Variants in PTPRH observed in about 807,000 individuals in gnomAD.
PTPRH encodes the protein protein tyrosine phosphatase receptor type H.
Under a neutral mutation model 130.2 loss-of-function variants are expected in PTPRH, and 113 were observed. The ratio of observed to expected loss-of-function variants is 0.87; its 90% confidence interval spans 0.75 to 1.01. The LOEUF (loss-of-function observed/expected upper bound fraction) is 1.01, where lower values mean the gene tolerates loss of function less well. Ranked by LOEUF, PTPRH falls within the 50% of genes least tolerant of loss-of-function variation. PTPRH has a pLI of 0.00. For synonymous variants in PTPRH, 556 were observed against 577.9 expected, an observed-to-expected ratio of 0.96 and a Z score of 0.54; for missense variants, 1,430 against 1,425.0, an observed-to-expected ratio of 1.00 and a Z score of -0.06.
At chr19:55,181,981 G>A (rs2086188006) in intron 19 of PTPRH, 35 bp downstream of exon 19, 4 of 1,613,516 alleles carry the variant, frequency 2.5e-6, no homozygotes, top group African/African-American at 1.3e-5. Context: ...TCGTCCCACT[G>A]CCTCCCGTCC....
At chr19:55,186,944 C>T (rs1404150620) in intron 14 of PTPRH, among the ~76,000 whole-genome samples, 1 of 151,580 alleles carries the variant, frequency 6.6e-6, no homozygotes, top group African/African-American at 2.4e-5. Flanking sequence ...ACTAGGGAGG[C>T]TGAGGCGGGA....
intron 8 of PTPRH, among the ~76,000 whole-genome samples, chr19:55,197,868 A>G (rs143181820): frequency 8.2e-4 from 125 of 152,262 alleles, no homozygotes; most frequent in African/African-American, 2.9e-3. Context: ...ACGTTTGTAG[A>G]GGGAGCTGAT....
chr19:55,203,807 A>T lies in PTPRH; in HGVS notation c.861T>A (p.Ser287=). ...CTGTGGCACTAGTGACAATCTCCACAGAGCTATTTACTCCGTCTTTCTCCA... is the reference window on the plus strand; with the variant it reads ...CTGTGGCACTAGTGACAATCTCCACTGAGCTATTTACTCCGTCTTTCTCCA... ...VWVEKDGVNS[S]VEIVTSATAP... is the part of the protein sequence containing the mutation. The change falls in exon 5 of 20, where the codon TCT becomes TCA. Residue 287 remains serine (S), a synonymous_variant. Transcript: ENST00000376350. The T allele has an allele frequency of 6.2e-7, 1 of 1,610,826 alleles. No homozygotes were observed. The highest frequency in any genetic ancestry group is 1.3e-5 in the African/African-American group (1 of 74,992).
At chr19:55,194,415 A>C (rs2086628117) in intron 10 of PTPRH, 1 of 1,058,602 alleles carries the variant, frequency 9.4e-7, no homozygotes, top group Non-Finnish European at 1.2e-6. Flanking sequence ...CTGTTCTCTC[A>C]GGGATCCTTG....
At position 55,198,845 on chromosome 19, in the gene PTPRH, T is replaced by G; in HGVS notation, c.1488A>C (p.Thr496=). ...AAGACTGGCCTGGGCCCTGGGGAGC[T>G]GTCCAGCGCAAAGCAATGGTGCTGT... is the stretch of plus-strand genomic sequence containing the variant. ...WTNSTIALRW[T]APQGPGQSSY... Residue 496 remains threonine, a synonymous_variant, in exon 8 of 20, where the codon ACA becomes ACC. Coordinates refer to ENST00000376350, the MANE Select transcript of PTPRH (RefSeq NM_002842.5). 2 of 1,588,362 alleles carry G rather than the reference T, an allele frequency of 1.3e-6. No individual in the cohort carries two copies. Among genetic ancestry groups the G allele is most frequent in the Non-Finnish European group, 1.7e-6 (2 of 1,165,392 alleles).
Position 55,205,489 on chromosome 19 carries a change from G to A in PTPRH, c.456C>T (p.Tyr152=), listed in dbSNP as rs148979033. The change falls in exon 4 of 20, where the codon TAC becomes TAT. Residue 152 remains tyrosine (Y), a synonymous_variant. Transcript: ENST00000376350. ...CACCATCTCCAGTGTACTCAACCCCGTAGGTGGAGTTCTGTGGGTCTGGGC... is the reference window on the plus strand; with the variant it reads ...CACCATCTCCAGTGTACTCAACCCCATAGGTGGAGTTCTGTGGGTCTGGGC... ...PDGPDPQNST[Y]GVEYTGDGGR... The A allele has an allele frequency of 2.6e-5, 42 of 1,614,194 alleles. No individual in the cohort carries two copies. Among genetic ancestry groups the A allele is most frequent in the African/African-American group, 1.2e-4 (9 of 75,034 alleles).
Position 55,197,230 on chromosome 19 carries a change from T to G in PTPRH, c.1877A>C (p.Asn626Thr), listed in dbSNP as rs1356660651. ...GGCCTCCACTTTGTACCACGTCTCA[T>G]TGGTCCTGCTGGTCTGGTTGACCCA... is the stretch of plus-strand genomic sequence containing the variant. ...ANWVNQTSRTNETWYKVEALE... is the reference protein window; with the variant it reads ...ANWVNQTSRTTETWYKVEALE... The change falls in exon 9 of 20, where the codon AAT (asparagine) becomes ACT (threonine). Residue 626 changes from asparagine (N) to threonine (T), a missense_variant. Transcript: ENST00000376350. 2.5e-6 allele frequency: 4 copies of G among 1,614,254 alleles called. No homozygotes were observed. The highest frequency in any genetic ancestry group is 3.4e-6 in the Non-Finnish European group (4 of 1,180,048).
chr19:55,200,361 G>A lies in PTPRH; in HGVS notation c.1295C>T (p.Thr432Ile). ...EYTGDGGGTETRNTTNTSVTA... is the reference protein window; with the variant it reads ...EYTGDGGGTEIRNTTNTSVTA... ...CACACTGGTATTTGTTGTGTTTCGG[G>A]TCTCTGTGCCACCACCGTCTCCAGT... The change falls in exon 7 of 20, where the codon ACC becomes ATC. Residue 432 changes from threonine (T) to isoleucine (I), a missense_variant. Transcript: ENST00000376350. 6.2e-7 allele frequency: 1 copy of A among 1,614,124 alleles called. No individual in the cohort carries two copies. Among genetic ancestry groups the A allele is most frequent in the Non-Finnish European group, 8.5e-7 (1 of 1,180,026 alleles).
chr19:55,209,312 C>T lies in PTPRH; in HGVS notation c.51+71G>A. 7.5e-7 allele frequency: 1 copy of T among 1,329,076 alleles called. No individual in the cohort carries two copies. The highest frequency in any genetic ancestry group is 1.1e-6 in the Non-Finnish European group (1 of 943,662). The allele number at this position is 1,329,076 out of a possible 1,614,324, so 82.3% of individuals were successfully genotyped here. ...TACTTCCTCAAGATCGAGGTGCAGGCACCCAGCTCCTTCTCCCTCAGACCT... is the reference window on the plus strand; with the variant it reads ...TACTTCCTCAAGATCGAGGTGCAGGTACCCAGCTCCTTCTCCCTCAGACCT... On this transcript the variant is annotated intron_variant, in intron 1 of 19. Transcript: ENST00000376350. The surrounding 1 kb of genome is among the most constrained non-coding windows in gnomAD (Gnocchi z 4.1).
At position 55,204,130 on chromosome 19, in the gene PTPRH, G is replaced by GT. The variant is rs1032262007; in HGVS notation, c.620-83dup. On this transcript the variant is annotated intron_variant, in intron 4 of 19. Transcript: ENST00000376350. The stretch of plus-strand genomic sequence containing the variant: ...CAGCCAGTGAGCTTTTTGTTTGTTT[G>GT]TTTTTTCGAGACAGAGTCTCTGTCT... 10 of 1,410,518 alleles carry GT rather than the reference G, an allele frequency of 7.1e-6. No homozygotes were observed. In the African/African-American group the frequency reaches 1.3e-4, roughly 18 times the overall value. 87.4% of individuals were successfully genotyped at this position (1,410,518 alleles called of 1,614,324 possible).
At chr19:55,190,883 C>T (rs1016435593) in intron 12 of PTPRH, among the ~76,000 whole-genome samples, 5 of 151,866 alleles carry the variant, frequency 3.3e-5, no homozygotes, top group African/African-American at 1.2e-4. Context: ...GATCTGTCAC[C>T]CAGGCTGCAG....
At chr19:55,183,406 C>A (rs374182663) in intron 18 of PTPRH, among the ~76,000 whole-genome samples, 2 of 149,064 alleles carry the variant, frequency 1.3e-5, no homozygotes, top group Non-Finnish European at 3.0e-5. Flanking sequence ...TTCCGTCCCC[C>A]ACAAAAATAA....
rs1187740282 is a variant in PTPRH at position 55,185,993 on chromosome 19, G to A, written c.2779-9C>T. ...TAATGCTCACACTTCACCTGGGGGA[G>A]GAGGAGGGGTCAGAGAACACAACTC... On this transcript the variant is annotated splice_polypyrimidine_tract_variant and intron_variant, in intron 16 of 19. Transcript: ENST00000376350. 6.2e-7 allele frequency: 1 copy of A among 1,613,880 alleles called. No individual in the cohort carries two copies. Among genetic ancestry groups the A allele is most frequent in the Non-Finnish European group, 8.5e-7 (1 of 1,179,874 alleles).
At chr19:55,203,695 G>T in intron 5 of PTPRH, 87 bp downstream of exon 5, 2 of 1,452,826 alleles carry the variant, frequency 1.4e-6, no homozygotes, top group South Asian at 1.5e-5. Flanking sequence ...TTGGACTAAA[G>T]AACCTGTCAC....
At chr19:55,185,144 G>A (rs111915986) in intron 18 of PTPRH, among the ~76,000 whole-genome samples, 4,729 of 151,864 alleles carry the variant, frequency 0.031, 124 homozygotes, top group African/African-American at 0.064. Flanking sequence ...ACAGGTGCCC[G>A]CCACGACACC....
At chr19:55,194,041 G>T (rs1479405990) in intron 10 of PTPRH, 1 of 624,490 alleles carries the variant, frequency 1.6e-6, no homozygotes, top group Non-Finnish European at 2.4e-6. Context: ...GTAGAGACAG[G>T]GTTTCTCCAT....
rs1356383506 is a variant in PTPRH, at chr19:55,209,089, G to A, written c.51+294C>T. Among the ~76,000 whole-genome samples, 1 of 151,874 alleles carries A rather than the reference G, an allele frequency of 6.6e-6. No homozygotes were observed. The highest frequency in any genetic ancestry group is 2.1e-4 in the South Asian group (1 of 4,818). On this transcript the variant is annotated intron_variant, in intron 1 of 19. Coordinates refer to ENST00000376350, the MANE Select transcript of PTPRH (RefSeq NM_002842.5). This position sits in a 1 kb window ranked among gnomAD's most constrained non-coding sequence, Gnocchi z 4.1. ...GTGTTGCCTGAAGCCAGTGTCCCCC[G>A]CAGCAGACACGACAGTGTCTAAGGG...
In PTPRH at chr19:55,203,965, C is replaced by T. The variant is rs2122279317; in HGVS notation, c.703G>A (p.Asp235Asn). Reference protein sequence around the residue: ...SLSWEVPDGTDPQNSTYCVQC... With the variant: ...SLSWEVPDGTNPQNSTYCVQC... Reference sequence around the variant, plus strand: ...ACGCAGTAGGTCGAGTTCTGTGGGTCTGTGCCATCGGGGACCTCCCAGCTC... The same window carrying T: ...ACGCAGTAGGTCGAGTTCTGTGGGTTTGTGCCATCGGGGACCTCCCAGCTC... Residue 235 changes from aspartate to asparagine, a missense_variant, in exon 5 of 20, where the codon GAC becomes AAC. Asp to Asn is a conservative substitution (Grantham distance 23). Coordinates refer to ENST00000376350, the MANE Select transcript of PTPRH (RefSeq NM_002842.5). 1 of 1,614,226 alleles carries T rather than the reference C, an allele frequency of 6.2e-7. No homozygotes were observed. The highest frequency in any genetic ancestry group is 1.1e-5 in the South Asian group (1 of 91,090).
chr19:55,182,198 G>A, intron 18 of PTPRH, 47 bp from the exon 19 acceptor site: 1 of 1,592,818 alleles, frequency 6.3e-7, no homozygotes, highest in Non-Finnish European at 8.6e-7. Context: ...GGAGTGTGAG[G>A]GTCCGGGGTC....
Sources: gnomAD v4.1 joint callset for allele counts (sites outside exome capture counted in the v4.1 genomes callset) on GRCh38, gnomAD v4.1.1 for gene constraint, Gnocchi (gnomAD v3.1) non-coding constraint, MANE v1.5 for transcripts, NCBI Gene and HGNC (gene_info 2026-07-23, HGNC 2026-07-21) for gene names.